The following MRC1 variants were observed in gnomAD, a reference collection of about 807,000 sequenced individuals.
The protein encoded by MRC1 is macrophage mannose receptor 1.
A neutral mutation model predicts 102.9 loss-of-function variants in MRC1; 62 were observed. The ratio of observed to expected loss-of-function variants is 0.60; its 90% CI spans 0.49 to 0.74. The LOEUF (loss-of-function observed/expected upper bound fraction) is 0.74, where lower values mean the gene tolerates loss of function less well. Ranked by LOEUF, MRC1 falls within the 30% of genes least tolerant of loss-of-function variation. The probability of loss-of-function intolerance (pLI) is 0.00; values close to 1 mark genes in which losing one functional copy is unlikely to be tolerated. For synonymous variants in MRC1, 457 were observed against 298.4 expected (o/e 1.53, Z -5.48); for missense variants, 1,237 against 862.8 (o/e 1.43, Z -5.43).
chr10:17,880,740 A>G, intron 20 of MRC1, 70 bp downstream of exon 20: 1 of 777,328 alleles, frequency 1.3e-6, no homozygotes. Context: ...TTCAGCTCAA[A>G]GTTAACTTTT....
At chr10:17,840,906 T>C (rs1838740032) in intron 5 of MRC1, 100 bp downstream of exon 5, 18 of 773,698 alleles carry the variant, frequency 2.3e-5, no homozygotes, top group South Asian at 1.2e-4. Flanking sequence ...AAGAGAAGAA[T>C]TGGGAGACTT....
At chr10:17,855,806 C>T (rs1833081178) in intron 8 of MRC1, among the ~76,000 whole-genome samples, 2 of 152,018 alleles carry the variant, frequency 1.3e-5, no homozygotes, top group Admixed American at 6.5e-5. Context: ...CAGTAGATGC[C>T]GTTTTCTCTC....
At chr10:17,827,769 G>A (rs1172231914) in intron 3 of MRC1, 54 bp downstream of exon 3, 19 of 777,150 alleles carry the variant, frequency 2.4e-5, no homozygotes, top group Non-Finnish European at 3.6e-5. Flanking sequence ...TGATAATGTA[G>A]TGAAAGACCT....
At chr10:17,905,669 T>G (rs1382351229) in intron 26 of MRC1, among the ~76,000 whole-genome samples, 3 of 151,972 alleles carry the variant, frequency 2.0e-5, no homozygotes, top group Admixed American at 6.6e-5. Flanking sequence ...GAAATATATT[T>G]AATAATGGAT....
chr10:17,887,625 TAAAG>T (rs1188617795), intron 22 of MRC1, among the ~76,000 whole-genome samples: 10 of 151,988 alleles, frequency 6.6e-5, no homozygotes, highest in African/African-American at 2.2e-4. Flanking sequence ...TTCTAGAACA[TAAAG>T]AAAGGCAGAA....
chr10:17,816,350 C>G (rs1838312288), intron 1 of MRC1, among the ~76,000 whole-genome samples: 1 of 152,144 alleles, frequency 6.6e-6, no homozygotes, highest in Non-Finnish European at 1.5e-5. Context: ...GAAACACTGA[C>G]AGGGTAACGG....
intron 4 of MRC1, among the ~76,000 whole-genome samples, chr10:17,834,985 C>G (rs1589169819): frequency 1.3e-5 from 2 of 152,184 alleles, no homozygotes; most frequent in African/African-American, 4.8e-5. Context: ...CTTGTGGCTT[C>G]TCATTTCCCA....
intron 12 of MRC1, among the ~76,000 whole-genome samples, chr10:17,869,464 G>A (rs1833323832): frequency 6.6e-6 from 1 of 152,104 alleles, no homozygotes; most frequent in Non-Finnish European, 1.5e-5. Flanking sequence ...GCTGTGATGT[G>A]GGAATGATGA....
chr10:17,849,579 A>G lies in MRC1; in HGVS notation c.1064A>G (p.Glu355Gly), dbSNP rs1023522926. 9 of 778,278 alleles carry G rather than the reference A, an allele frequency of 1.2e-5. No homozygotes were observed. Among genetic ancestry groups the G allele is most frequent in the Non-Finnish European group, 1.9e-5 (8 of 417,156 alleles). The allele number at this position is 778,278 out of a possible 1,614,324, so 48.2% of individuals were successfully genotyped here. The change falls in exon 7 of 30, where the codon GAA (glutamate) becomes GGA (glycine). Residue 355 changes from glutamate (E) to glycine (G), a missense_variant and splice_region_variant. Transcript: ENST00000569591. Reference protein sequence around the residue: ...TTLNSFVIPSESDVPTHCPSQ... With the variant: ...TTLNSFVIPSGSDVPTHCPSQ... ...TTCCGACCCCCCTTTTTGTTTCTAGAAAGTGATGTGCCTACTCACTGTCCT... is the reference window on the plus strand; with the variant it reads ...TTCCGACCCCCCTTTTTGTTTCTAGGAAGTGATGTGCCTACTCACTGTCCT...
chr10:17,831,832 GA>G (rs1838578627), intron 3 of MRC1, among the ~76,000 whole-genome samples: 1 of 151,482 alleles, frequency 6.6e-6, no homozygotes, highest in Admixed American at 6.6e-5. Context: ...TCATATATGT[GA>G]AAAACTATCA....
chr10:17,850,582 G>A (rs1009520835), intron 7 of MRC1, among the ~76,000 whole-genome samples: 46 of 152,160 alleles, frequency 3.0e-4, no homozygotes, highest in African/African-American at 1.1e-3. Context: ...TTGAGAAACA[G>A]CATAATGATA....
chr10:17,904,693 T>A (rs1833873151), intron 26 of MRC1, among the ~76,000 whole-genome samples: 1 of 152,178 alleles, frequency 6.6e-6, no homozygotes, highest in Non-Finnish European at 1.5e-5. Context: ...TCCAAGCAGT[T>A]ACAAACTGCC....
chr10:17,878,152 CCAAA>C lies in MRC1; in HGVS notation c.2618+193_2618+196del, dbSNP rs1411412393. ...TTAAATATTTTCAGCACTATAAATT[CCAAA>C]CAAACAACTCAAAATTGGATTCAGT... On this transcript the variant is annotated intron_variant, in intron 18 of 29. Transcript: ENST00000569591. Among the ~76,000 whole-genome samples the C allele has an allele frequency of 7.9e-5, 12 of 152,224 alleles. No homozygotes were observed. In the South Asian group the frequency reaches 8.3e-4, roughly 11 times the overall value.
At chr10:17,840,456 T>C (rs957695584) in intron 4 of MRC1, among the ~76,000 whole-genome samples, 1 of 152,308 alleles carries the variant, frequency 6.6e-6, no homozygotes, top group Non-Finnish European at 1.5e-5. Context: ...GTTGGAACTT[T>C]AAAAATCTTA....
At chr10:17,843,925 G>A (rs1281442167) in intron 5 of MRC1, among the ~76,000 whole-genome samples, 1 of 152,158 alleles carries the variant, frequency 6.6e-6, no homozygotes, top group Non-Finnish European at 1.5e-5. Context: ...AACAGAATGT[G>A]GCTCATTCAC....
At chr10:17,900,435 T>G (rs1292083927) in intron 24 of MRC1, among the ~76,000 whole-genome samples, 11 of 152,204 alleles carry the variant, frequency 7.2e-5, no homozygotes, top group African/African-American at 2.6e-4. Context: ...TCAATAATAA[T>G]ATAAGAAATA....
intron 17 of MRC1, among the ~76,000 whole-genome samples, chr10:17,875,783 T>C (rs1167685813): frequency 2.6e-5 from 4 of 152,198 alleles, no homozygotes; most frequent in Admixed American, 2.6e-4. Context: ...AGATACCCAG[T>C]AGTGGGATTG....
chr10:17,838,023 C>A (rs920196884), intron 4 of MRC1, among the ~76,000 whole-genome samples: 2 of 151,908 alleles, frequency 1.3e-5, no homozygotes, highest in African/African-American at 2.4e-5. Flanking sequence ...CCACAGCAAC[C>A]TCATGAATAA....
At position 17,908,750 on chromosome 10, in the gene MRC1, A is replaced by G. The variant is rs955091971; in HGVS notation, c.4079-556A>G. 1.3e-4 allele frequency among the ~76,000 whole-genome samples: 19 copies of G among 151,948 alleles called. No individual in the cohort carries two copies. The East Asian group carries it at 1.8e-3, about 14-fold the overall frequency. On this transcript the variant is annotated intron_variant, in intron 28 of 29. Transcript: ENST00000569591. ...TGCCCAGCTAATTTTTGTATTTTTAATAGAGATGGGGTTTCACTATGTTGG... is the reference window on the plus strand; with the variant it reads ...TGCCCAGCTAATTTTTGTATTTTTAGTAGAGATGGGGTTTCACTATGTTGG...
Sources: allele counts gnomAD v4.1 joint callset (sites outside exome capture counted in the v4.1 genomes callset), GRCh38; gene constraint gnomAD v4.1.1; transcripts MANE v1.5; gene names NCBI Gene and HGNC (gene_info 2026-07-23, HGNC 2026-07-21).